Variants in ZBTB43 observed in about 807,000 individuals in gnomAD.
The protein encoded by ZBTB43 is zinc finger and BTB domain containing 43.
ZBTB43 carries 6 observed loss-of-function variants against 31.1 expected under a neutral mutation model. The ratio of observed to expected loss-of-function variants is 0.19; its 90% CI spans 0.11 to 0.38. The LOEUF (loss-of-function observed/expected upper bound fraction) is 0.38, where lower values mean the gene tolerates loss of function less well. Among genes scored for constraint, ZBTB43 ranks in the 10% least tolerant of loss-of-function variants. The pLI is 1.00. For missense variants in ZBTB43, 379 were observed against 602.1 expected, an observed-to-expected ratio of 0.63 and a Z score of 3.88; for synonymous variants, 212 against 221.7, an observed-to-expected ratio of 0.96 and a Z score of 0.39.
intron 2 of ZBTB43, among the ~76,000 whole-genome samples, chr9:126,817,682 TAGTC>T: frequency 6.6e-6 from 1 of 151,556 alleles, no homozygotes; most frequent in Non-Finnish European, 1.5e-5. Flanking sequence ...TTCACTGTGT[TAGTC>T]AGGATGGTCT....
chr9:126,816,551 G>A (rs898775576), intron 2 of ZBTB43, among the ~76,000 whole-genome samples: 2 of 152,090 alleles, frequency 1.3e-5, no homozygotes, highest in Non-Finnish European at 2.9e-5. Context: ...ACCTGTGTTG[G>A]TTTTATTTTG....
Position 126,832,803 on chromosome 9 carries a change from A to G in ZBTB43, c.294A>G (p.Pro98=). 6 of 1,614,168 alleles carry G rather than the reference A, an allele frequency of 3.7e-6. No homozygotes were observed. Among genetic ancestry groups the G allele is most frequent in the Non-Finnish European group, 5.1e-6 (6 of 1,180,036 alleles). The change falls in exon 3 of 3, where the codon CCA becomes CCG. Residue 98 remains proline (P), a synonymous_variant. Transcript: ENST00000373464. ...SYTGRLVMPA[P]EIVSYLTAAS... ...CAGGACGTCTAGTAATGCCCGCTCC[A>G]GAAATTGTTAGTTACTTGACAGCGG...
intron 2 of ZBTB43, among the ~76,000 whole-genome samples, chr9:126,814,520 G>A (rs900734769): frequency 2.6e-5 from 4 of 151,716 alleles, no homozygotes; most frequent in Admixed American, 6.6e-5. Context: ...TGGGCCGGGC[G>A]CGGTGGCTTA....
At chr9:126,825,921 C>CT (rs2032623323) in intron 2 of ZBTB43, among the ~76,000 whole-genome samples, 1 of 146,776 alleles carries the variant, frequency 6.8e-6, no homozygotes, top group African/African-American at 2.5e-5. Flanking sequence ...TCTCAGCTCA[C>CT]TGCAACCTCC....
chr9:126,819,611 A>G (rs1295164112), intron 2 of ZBTB43, among the ~76,000 whole-genome samples: 2 of 150,208 alleles, frequency 1.3e-5, no homozygotes, highest in Admixed American at 1.3e-4. Flanking sequence ...AGGCCTCCCT[A>G]TTACGTGATA....
In ZBTB43 at chr9:126,832,480, C is replaced by G. The variant is rs1156471164; in HGVS notation, c.-23-7C>G. 1.9e-6 allele frequency: 3 copies of G among 1,581,932 alleles called. No homozygotes were observed. The highest frequency in any genetic ancestry group is 3.6e-5 in the Admixed American group (2 of 55,786). ...GGAATTTGTACTAATTTTTCTTTCTCTTGTAGCACCGAACAAGATTTGTGA... is the reference window on the plus strand; with the variant it reads ...GGAATTTGTACTAATTTTTCTTTCTGTTGTAGCACCGAACAAGATTTGTGA... On this transcript the variant is annotated splice_polypyrimidine_tract_variant and splice_region_variant and intron_variant, in intron 2 of 2. Transcript: ENST00000373464.
At chr9:126,816,337 A>G (rs770317264) in intron 2 of ZBTB43, among the ~76,000 whole-genome samples, 1 of 152,032 alleles carries the variant, frequency 6.6e-6, no homozygotes, top group Non-Finnish European at 1.5e-5. Flanking sequence ...TTTCTGCTCT[A>G]TATTAGTTTC....
At chr9:126,823,042 G>C (rs996975090) in intron 2 of ZBTB43, among the ~76,000 whole-genome samples, 3 of 152,022 alleles carry the variant, frequency 2.0e-5, no homozygotes, top group African/African-American at 7.2e-5. Flanking sequence ...TTATTATGGT[G>C]TTTATTTTAT....
rs1278430439 is a variant in ZBTB43, at chr9:126,837,908, G to C, written c.*3995G>C. The stretch of plus-strand genomic sequence containing the variant: ...AGTTGCTGCTGCCTTCTTTCCTTTT[G>C]TGAGGTTCCCAATGTTTCGTCCAGA... On this transcript the variant is annotated 3_prime_UTR_variant, in exon 3 of 3. Coordinates refer to ENST00000373464, the MANE Select transcript of ZBTB43 (RefSeq NM_014007.4). 2 of 160,034 alleles carry C rather than the reference G, an allele frequency of 1.2e-5. No individual in the cohort carries two copies. The highest frequency in any genetic ancestry group is 3.0e-5 in the Non-Finnish European group (2 of 66,640). The allele number at this position is 160,034 out of a possible 1,614,324, so 9.9% of individuals were successfully genotyped here.
chr9:126,815,260 CAATATATAAAACTATATATATAT>C (rs2032352770), intron 2 of ZBTB43, among the ~76,000 whole-genome samples: 4 of 123,870 alleles, frequency 3.2e-5, no homozygotes, highest in Non-Finnish European at 6.6e-5. Flanking sequence ...ATATAGTTTT[CAATATATAAAACTATATATATAT>C]AGTTTTCAAT....
chr9:126,837,103 C>CA lies in ZBTB43; in HGVS notation c.*3206dup, dbSNP rs3837241. 8,064 of 129,448 alleles carry CA rather than the reference C, an allele frequency of 0.062. 518 individuals carry two copies. Among genetic ancestry groups the CA allele is most frequent in the East Asian group, 0.41 (1,868 of 4,536 alleles). The allele number at this position is 129,448 out of a possible 1,614,324, so 8.0% of individuals were successfully genotyped here. A position where few individuals can be genotyped will look rare whatever the true frequency, so the allele number is the denominator to read the frequency against. On this transcript the variant is annotated 3_prime_UTR_variant, in exon 3 of 3. Coordinates refer to ENST00000373464, the MANE Select transcript of ZBTB43 (RefSeq NM_014007.4). Reference sequence around the variant, plus strand: ...TGCGCGACAGATCGAGACTCTGTCTCAAAAAAAAAAAAAAAATTCATACTT... The same window carrying CA: ...TGCGCGACAGATCGAGACTCTGTCTCAAAAAAAAAAAAAAAAATTCATACTT...
rs559746661 is a variant in ZBTB43 at position 126,836,733 on chromosome 9, C to T, written c.*2820C>T. 6.0e-6 allele frequency: 1 copy of T among 167,190 alleles called. No individual in the cohort carries two copies. Among genetic ancestry groups the T allele is most frequent in the East Asian group, 1.9e-4 (1 of 5,184 alleles). 10.4% of individuals were successfully genotyped at this position (167,190 alleles called of 1,614,324 possible). A position where few individuals can be genotyped will look rare whatever the true frequency, so the allele number is the denominator to read the frequency against. Reference sequence around the variant, plus strand: ...GGCCTACAACCAAGCTATTTGTCCCCTACTTTGAGTCTTAACTGTGGTTTT... The same window carrying T: ...GGCCTACAACCAAGCTATTTGTCCCTTACTTTGAGTCTTAACTGTGGTTTT... On this transcript the variant is annotated 3_prime_UTR_variant, in exon 3 of 3. Transcript: ENST00000373464.
rs537188663 is a variant in ZBTB43, at chr9:126,816,971, C to T, written c.-24+8056C>T. ...AGTTTTGCCAGTCTGCAGGACCTGT[C>T]TGTCCTTGGCTTTTAGCTCTGGGAC... On this transcript the variant is annotated intron_variant, in intron 2 of 2. Coordinates refer to ENST00000373464, the MANE Select transcript of ZBTB43 (RefSeq NM_014007.4). Among the ~76,000 whole-genome samples the T allele has an allele frequency of 1.7e-4, 26 of 152,280 alleles. 1 individual carries two copies. Among genetic ancestry groups the T allele is most frequent in the African/African-American group, 6.3e-4 (26 of 41,552 alleles).
At chr9:126,804,609 C>T (rs111335936), upstream of ZBTB43, among the ~76,000 whole-genome samples, 588 of 152,244 alleles carry the variant, frequency 3.9e-3, 4 homozygotes, top group African/African-American at 0.013. Context: ...CTCAGCTTCC[C>T]AAGTAGCTGG....
intron 2 of ZBTB43, among the ~76,000 whole-genome samples, chr9:126,825,842 A>AATTTTTT (rs761372574): frequency 1.1e-5 from 1 of 91,202 alleles, no homozygotes; most frequent in African/African-American, 3.8e-5. Flanking sequence ...TCCTTTTTAT[A>AATTTTTT]TTTTTTTTTT....
chr9:126,828,646 A>AG (rs1554742719), intron 2 of ZBTB43, among the ~76,000 whole-genome samples: 2 of 141,466 alleles, frequency 1.4e-5, no homozygotes, highest in South Asian at 2.2e-4. Context: ...AATAATAATA[A>AG]TAATAATAAT....
intron 2 of ZBTB43, among the ~76,000 whole-genome samples, chr9:126,822,993 T>G (rs2119144062): frequency 6.6e-6 from 1 of 152,318 alleles, no homozygotes; most frequent in South Asian, 2.1e-4. Flanking sequence ...AAGCATTACT[T>G]TTATATGCAC....
chr9:126,806,959 G>A (rs527705603), intron 1 of ZBTB43, among the ~76,000 whole-genome samples: 29 of 152,238 alleles, frequency 1.9e-4, no homozygotes, highest in African/African-American at 5.5e-4. Context: ...GCTTTTCACA[G>A]GAAGAAAACT....
At position 126,834,070 on chromosome 9, in the gene ZBTB43, A is replaced by T. The variant is rs1449046948; in HGVS notation, c.*157A>T. On this transcript the variant is annotated 3_prime_UTR_variant, in exon 3 of 3. Coordinates refer to ENST00000373464, the MANE Select transcript of ZBTB43 (RefSeq NM_014007.4). ...AAGACCAGCTCTAAGTAGGCCAATT[A>T]AAAAAATCTAATTCCTCAAATTTGT... 4 of 834,148 alleles carry T rather than the reference A, an allele frequency of 4.8e-6. No individual in the cohort carries two copies. The highest frequency in any genetic ancestry group is 1.7e-5 in the African/African-American group (1 of 58,194). The allele number at this position is 834,148 out of a possible 1,614,324, so 51.7% of individuals were successfully genotyped here.
Sources: gnomAD v4.1 joint callset for allele counts (sites outside exome capture counted in the v4.1 genomes callset) on GRCh38, gnomAD v4.1.1 for gene constraint, MANE v1.5 for transcripts, NCBI Gene and HGNC (gene_info 2026-07-23, HGNC 2026-07-21) for gene names.